Variants in DCDC1 observed in about 807,000 individuals in gnomAD.
DCDC1 encodes doublecortin domain-containing protein 1.
DCDC1 carries 200 observed loss-of-function variants against 178.3 expected under a neutral mutation model. The observed-to-expected ratio is 1.12, with a 90% CI of 1.00 to 1.26. The LOEUF is 1.26. Among genes scored for constraint, DCDC1 ranks in the 50% most tolerant of loss-of-function variants. The probability of loss-of-function intolerance (pLI) is 0.00; values close to 1 mark genes in which losing one functional copy is unlikely to be tolerated. For missense variants in DCDC1, 1,983 were observed against 1,749.2 expected (o/e 1.13, Z -2.38); for synonymous variants, 690 against 604.8 (o/e 1.14, Z -2.07).
At chr11:31,061,496 A>C (rs145447996) in intron 20 of DCDC1, among the ~76,000 whole-genome samples, 1 of 152,112 alleles carries the variant, frequency 6.6e-6, no homozygotes, top group African/African-American at 2.4e-5. Context: ...AACTGAAATT[A>C]CATCTACTGT....
At chr11:31,230,679 A>T (rs1444773010) in intron 9 of DCDC1, among the ~76,000 whole-genome samples, 2 of 152,178 alleles carry the variant, frequency 1.3e-5, no homozygotes, top group Non-Finnish European at 2.9e-5. Context: ...ATGCTATCTC[A>T]AAGAATTTAG....
chr11:31,033,326 A>G (rs942006639), intron 20 of DCDC1, among the ~76,000 whole-genome samples: 1 of 152,078 alleles, frequency 6.6e-6, no homozygotes, highest in African/African-American at 2.4e-5. Context: ...ATATTTATTT[A>G]TATACTCTGT....
intron 9 of DCDC1, among the ~76,000 whole-genome samples, chr11:31,163,971 T>C (rs1966545874): frequency 6.6e-6 from 1 of 152,164 alleles, no homozygotes; most frequent in African/African-American, 2.4e-5. Context: ...TATTTAAAAA[T>C]AACAGAGTTA....
At chr11:31,294,798 A>AAAAGAAAGAAAGAAAGAAAG (rs199955696) in intron 6 of DCDC1, among the ~76,000 whole-genome samples, 5 of 125,232 alleles carry the variant, frequency 4.0e-5, no homozygotes, top group Admixed American at 1.6e-4. Flanking sequence ...AAAATAAAGA[A>AAAAGAAAGAAAGAAAGAAAG]AAAGAAAGAA....
chr11:31,356,207 T>A (rs1032058713), intron 1 of DCDC1, among the ~76,000 whole-genome samples: 1 of 151,992 alleles, frequency 6.6e-6, no homozygotes, highest in Non-Finnish European at 1.5e-5. Flanking sequence ...AAGCCAAGAC[T>A]CTAACAAATA....
intron 1 of DCDC1, among the ~76,000 whole-genome samples, chr11:31,356,137 T>G (rs1392405076): frequency 6.6e-6 from 1 of 152,106 alleles, no homozygotes; most frequent in Admixed American, 6.6e-5. Context: ...CAGATAAAAC[T>G]GACTTTATTT....
Position 30,900,369 on chromosome 11 carries a change from C to T in DCDC1, c.4640G>A (p.Gly1547Asp), listed in dbSNP as rs760849425. 6.4e-6 allele frequency: 10 copies of T among 1,561,024 alleles called. No individual in the cohort carries two copies. The highest frequency in any genetic ancestry group is 8.7e-6 in the Non-Finnish European group (10 of 1,152,474). Residue 1547 changes from glycine to aspartate, a missense_variant, in exon 33 of 39, where the codon GGT becomes GAT. Physicochemically the swap from Gly to Asp is moderately conservative, Grantham distance 94. Transcript: ENST00000684477. ...ACCATTTGGAGGTAGAAATGGTTCACCACAAGACACCCAGATGGCAATAGG... is the reference window on the plus strand; with the variant it reads ...ACCATTTGGAGGTAGAAATGGTTCATCACAAGACACCCAGATGGCAATAGG... The part of the protein sequence containing the change: ...RNPIAIWVSC[G>D]EPFLPPNALQ...
intron 7 of DCDC1, among the ~76,000 whole-genome samples, chr11:31,283,756 T>C (rs1018859205): frequency 2.0e-5 from 3 of 152,110 alleles, no homozygotes; most frequent in South Asian, 2.1e-4. Flanking sequence ...TCAGACCTTG[T>C]GGAGTTCACC....
Position 31,003,594 on chromosome 11 carries a change from T to G in DCDC1, c.2592-51026A>C, listed in dbSNP as rs77412104. 4.7e-3 allele frequency among the ~76,000 whole-genome samples: 716 copies of G among 152,270 alleles called. 9 individuals are homozygous for G. Among genetic ancestry groups the G allele is most frequent in the African/African-American group, 0.016 (647 of 41,534 alleles). ...GCAAGATCTTAAGGATAAGTAGGAT[T>G]TAATGAAAATAAGGAGGAAAGATTT... On this transcript the variant is annotated intron_variant, in intron 20 of 38. Transcript: ENST00000684477.
chr11:31,015,671 G>A (rs761530547), intron 20 of DCDC1, among the ~76,000 whole-genome samples: 2 of 152,190 alleles, frequency 1.3e-5, no homozygotes, highest in African/African-American at 4.8e-5. Context: ...TATGAATGCG[G>A]CGGTTTGGAT....
Position 30,925,420 on chromosome 11 carries a change from G to A in DCDC1, c.2898-12C>T. The A allele has an allele frequency of 1.2e-6, 2 of 1,611,688 alleles. No homozygotes were observed. The highest frequency in any genetic ancestry group is 1.7e-6 in the Non-Finnish European group (2 of 1,178,672). The stretch of plus-strand genomic sequence containing the variant: ...AAATCTCAGTGCACCTGTAATAAAA[G>A]ACACAAAAATTGACCTTGCATACAG... On this transcript the variant is annotated splice_polypyrimidine_tract_variant and intron_variant, in intron 22 of 38. Transcript: ENST00000684477.
intron 20 of DCDC1, among the ~76,000 whole-genome samples, chr11:31,053,484 C>A (rs554039820): frequency 6.6e-6 from 1 of 152,174 alleles, no homozygotes; most frequent in East Asian, 1.9e-4. Context: ...TTCTATGAAG[C>A]CAGCATCACC....
rs573214322 is a variant in DCDC1 at position 31,214,656 on chromosome 11, G to T, written c.1221+26794C>A. ...AAGTGACAGGAAACAGATGACTGAGGTCTAATTTAATGTCATTTGTAGAGA... is the reference window on the plus strand; with the variant it reads ...AAGTGACAGGAAACAGATGACTGAGTTCTAATTTAATGTCATTTGTAGAGA... On this transcript the variant is annotated intron_variant, in intron 9 of 38. Transcript: ENST00000684477. Among the ~76,000 whole-genome samples, 13 of 152,222 alleles carry T rather than the reference G, an allele frequency of 8.5e-5. No individual in the cohort carries two copies. In the South Asian group the frequency reaches 1.2e-3, roughly 15 times the overall value.
intron 1 of DCDC1, among the ~76,000 whole-genome samples, chr11:31,346,975 C>T (rs1175970005): frequency 6.6e-6 from 1 of 152,084 alleles, no homozygotes; most frequent in African/African-American, 2.4e-5. Context: ...TATCAGAAAT[C>T]ACATATTTTC....
chr11:30,974,454 G>A (rs563023094), intron 20 of DCDC1, among the ~76,000 whole-genome samples: 1 of 151,808 alleles, frequency 6.6e-6, no homozygotes, highest in East Asian at 1.9e-4. Flanking sequence ...TCAAAAAAAT[G>A]CAATGAACTG....
intron 36 of DCDC1, among the ~76,000 whole-genome samples, chr11:30,884,649 A>G (rs913378554): frequency 6.6e-6 from 1 of 152,100 alleles, no homozygotes; most frequent in Non-Finnish European, 1.5e-5. Context: ...CTATCCCCAA[A>G]ACAAAGATCA....
intron 7 of DCDC1, among the ~76,000 whole-genome samples, chr11:31,273,187 C>T (rs1945711519): frequency 6.6e-6 from 1 of 152,200 alleles, no homozygotes; most frequent in Admixed American, 6.5e-5. Flanking sequence ...ACATTCAGCT[C>T]CTCATTATTT....
At chr11:31,343,500 T>C (rs890561461) in intron 1 of DCDC1, among the ~76,000 whole-genome samples, 5 of 150,780 alleles carry the variant, frequency 3.3e-5, no homozygotes, top group African/African-American at 9.8e-5. Context: ...AGAGATGGGG[T>C]TTCTCCATGT....
chr11:31,201,122 C>A (rs1307152163), intron 9 of DCDC1, among the ~76,000 whole-genome samples: 1 of 151,920 alleles, frequency 6.6e-6, no homozygotes, highest in East Asian at 1.9e-4. Flanking sequence ...ATTGTTATAT[C>A]TGTGAACTTA....
Sources: gnomAD v4.1 joint callset for allele counts (sites outside exome capture counted in the v4.1 genomes callset) on GRCh38, gnomAD v4.1.1 for gene constraint, MANE v1.5 for transcripts, NCBI Gene and HGNC (gene_info 2026-07-23, HGNC 2026-07-21) for gene names.